The following EML6 variants were observed in gnomAD, a reference collection of about 807,000 sequenced individuals.
The protein encoded by EML6 is EMAP like 6.
In EML6, 154 loss-of-function variants were observed where a neutral mutation model predicts 240.1. The observed-to-expected ratio is 0.64, with a 90% CI of 0.56 to 0.73. EML6 has a LOEUF of 0.73. EML6 is among the 30% of genes least tolerant of loss of function. EML6 has a pLI of 0.00. For missense variants in EML6, 2,964 were observed against 2,474.6 expected (o/e 1.20, Z -4.20); for synonymous variants, 1,148 against 899.0 (o/e 1.28, Z -4.95).
At chr2:54,959,064 G>T in intron 33 of EML6, 40 bp from the exon 34 acceptor site, 1 of 1,521,456 alleles carries the variant, frequency 6.6e-7, no homozygotes, top group South Asian at 1.3e-5. Flanking sequence ...GGACCCGCTT[G>T]AGTGTGTTCC....
At chr2:54,878,832 C>G (rs928550870) in intron 16 of EML6, among the ~76,000 whole-genome samples, 4 of 152,006 alleles carry the variant, frequency 2.6e-5, no homozygotes, top group Admixed American at 2.0e-4. Flanking sequence ...ATAACCTGTT[C>G]ATTATTATTC....
chr2:54,927,977 G>T (rs1032030986), intron 26 of EML6, among the ~76,000 whole-genome samples: 1 of 152,214 alleles, frequency 6.6e-6, no homozygotes, highest in Non-Finnish European at 1.5e-5. Context: ...TCACAGTCAG[G>T]AGTTTACACT....
intron 24 of EML6, among the ~76,000 whole-genome samples, chr2:54,907,634 A>G (rs1014268625): frequency 1.2e-4 from 19 of 152,242 alleles, no homozygotes; most frequent in Non-Finnish European, 4.4e-5. Context: ...TGTAAATTAT[A>G]TAGCAGCTGG....
intron 22 of EML6, among the ~76,000 whole-genome samples, chr2:54,900,782 A>G (rs139356792): frequency 1.3e-5 from 2 of 152,314 alleles, no homozygotes; most frequent in Non-Finnish European, 2.9e-5. Flanking sequence ...TCAGGCACAG[A>G]GCAGGGTGGA....
chr2:54,968,319 T>C lies in EML6; in HGVS notation c.5751+38T>C, dbSNP rs1274051687. Reference sequence around the variant, plus strand: ...CAGAGTAACCTCCCTGCAGGTTCTCTGTTTGGCCGTCTGCAGGAGATAGGG... The same window carrying C: ...CAGAGTAACCTCCCTGCAGGTTCTCCGTTTGGCCGTCTGCAGGAGATAGGG... On this transcript the variant is annotated intron_variant, in intron 40 of 41. Transcript: ENST00000356458. The C allele has an allele frequency of 1.9e-6, 3 of 1,548,154 alleles. No individual in the cohort carries two copies. In the African/African-American group the frequency reaches 4.1e-5, roughly 21 times the overall value.
intron 16 of EML6, among the ~76,000 whole-genome samples, chr2:54,871,820 C>G (rs1052821772): frequency 1.3e-5 from 2 of 152,234 alleles, no homozygotes; most frequent in Non-Finnish European, 2.9e-5. Context: ...AAAATGTGGC[C>G]TTTAGATTAC....
rs374561971 is a variant in EML6, at chr2:54,866,478, T to A, written c.1933-288T>A. 7.2e-5 allele frequency among the ~76,000 whole-genome samples: 11 copies of A among 152,338 alleles called. No individual in the cohort carries two copies. In the East Asian group the frequency reaches 2.1e-3, roughly 29 times the overall value. ...TTAGAAGAAATAAAACAAACTATTT[T>A]ATTTATATTTTACTGATACTTAATT... On this transcript the variant is annotated intron_variant, in intron 13 of 41. Coordinates refer to ENST00000356458, the MANE Select transcript of EML6 (RefSeq NM_001039753.4).
intron 3 of EML6, among the ~76,000 whole-genome samples, chr2:54,814,031 C>G (rs1357195456): frequency 3.9e-5 from 6 of 152,224 alleles, no homozygotes; most frequent in African/African-American, 1.4e-4. Context: ...CAGGCAATTT[C>G]TTGCTAATGC....
chr2:54,827,713 G>A lies in EML6; in HGVS notation c.673G>A (p.Gly225Arg). 1 of 1,551,684 alleles carries A rather than the reference G, an allele frequency of 6.4e-7. No individual in the cohort carries two copies. Among genetic ancestry groups the A allele is most frequent in the Non-Finnish European group, 8.7e-7 (1 of 1,146,976 alleles). ...ALNGDIYVWK[G>R]LNLVRTIQGA... ...AAATGGTGACATCTATGTCTGGAAA[G>A]GGCTCAATTTAGTCCGCACCATTCA... The change falls in exon 6 of 42, where the codon GGG becomes AGG. Residue 225 changes from glycine (G) to arginine (R), a missense_variant. Coordinates refer to ENST00000356458, the MANE Select transcript of EML6 (RefSeq NM_001039753.4).
chr2:54,877,803 T>G (rs1270465401), intron 16 of EML6, among the ~76,000 whole-genome samples: 6 of 152,248 alleles, frequency 3.9e-5, no homozygotes, highest in Non-Finnish European at 7.3e-5. Flanking sequence ...GTCAGGTAAC[T>G]TTCAAATCCT....
intron 17 of EML6, among the ~76,000 whole-genome samples, chr2:54,890,682 G>C (rs1380897307): frequency 6.6e-6 from 1 of 152,146 alleles, no homozygotes; most frequent in Non-Finnish European, 1.5e-5. Context: ...TCCTGCACAA[G>C]AGGAGGAAAA....
intron 11 of EML6, among the ~76,000 whole-genome samples, chr2:54,858,097 G>A (rs1347034663): frequency 4.6e-5 from 7 of 152,190 alleles, no homozygotes; most frequent in Non-Finnish European, 8.8e-5. Context: ...TCATGAGGTT[G>A]CAGTCATGTG....
chr2:54,935,635 A>C (rs1675097725), intron 28 of EML6, among the ~76,000 whole-genome samples: 1 of 152,236 alleles, frequency 6.6e-6, no homozygotes, highest in African/African-American at 2.4e-5. Flanking sequence ...CTTTTAAAAT[A>C]CATTCATGCT....
At chr2:54,792,948 G>C (rs1445130790) in intron 2 of EML6, among the ~76,000 whole-genome samples, 1 of 152,178 alleles carries the variant, frequency 6.6e-6, no homozygotes, top group Non-Finnish European at 1.5e-5. Context: ...TAGCATCTGA[G>C]CTTTTTCTTA....
intron 2 of EML6, among the ~76,000 whole-genome samples, chr2:54,799,620 G>A (rs948532632): frequency 1.4e-4 from 21 of 152,176 alleles, no homozygotes; most frequent in Non-Finnish European, 2.5e-4. Context: ...TGGGATTAAG[G>A]GCGTGAACCA....
intron 2 of EML6, among the ~76,000 whole-genome samples, chr2:54,769,143 G>A (rs1030473831): frequency 6.6e-6 from 1 of 152,192 alleles, no homozygotes; most frequent in Non-Finnish European, 1.5e-5. Context: ...AAATAAACTG[G>A]CAAAGATTTA....
chr2:54,769,386 G>T (rs963030750), intron 2 of EML6, among the ~76,000 whole-genome samples: 1 of 152,120 alleles, frequency 6.6e-6, no homozygotes, highest in Admixed American at 6.5e-5. Flanking sequence ...TCTATGATGG[G>T]TTCTTATTTT....
At chr2:54,852,549 T>C (rs1207426945) in intron 10 of EML6, among the ~76,000 whole-genome samples, 1 of 152,252 alleles carries the variant, frequency 6.6e-6, no homozygotes, top group Non-Finnish European at 1.5e-5. Context: ...GAATTCCAAA[T>C]GCCCCTGTAC....
chr2:54,845,187 C>T (rs536551671), intron 8 of EML6, among the ~76,000 whole-genome samples: 3 of 152,276 alleles, frequency 2.0e-5, no homozygotes, highest in Non-Finnish European at 2.9e-5. Context: ...CTACCAAGCA[C>T]GAAAACCTCA....
Sources: allele counts gnomAD v4.1 joint callset (sites outside exome capture counted in the v4.1 genomes callset), GRCh38; gene constraint gnomAD v4.1.1; transcripts MANE v1.5; gene names NCBI Gene and HGNC (gene_info 2026-07-23, HGNC 2026-07-21).